PPP3CA: variants seen among roughly 807,000 people sequenced by gnomAD.
PPP3CA encodes CAM-PRP catalytic subunit.
In PPP3CA, 14 loss-of-function variants were observed where a neutral mutation model predicts 66.5. The observed-to-expected ratio is 0.21, with a 90% CI of 0.14 to 0.33. PPP3CA has a LOEUF of 0.33. Among genes scored for constraint, PPP3CA ranks in the 10% least tolerant of loss-of-function variants. PPP3CA has a pLI of 1.00. For synonymous variants in PPP3CA, 232 were observed against 226.2 expected, an observed-to-expected ratio of 1.03 and a Z score of -0.23; for missense variants, 317 against 639.5, an observed-to-expected ratio of 0.50 and a Z score of 5.44.
At chr4:101,162,548 TAAATAAATAAATAAATAAATAAAG>T (rs1723550763) in intron 2 of PPP3CA, among the ~76,000 whole-genome samples, 1 of 145,342 alleles carries the variant, frequency 6.9e-6, no homozygotes, top group Admixed American at 6.9e-5. Flanking sequence ...AATAAATAAA[TAAATAAATAAATAAATAAATAAAG>T]GGAAATGTAT....
intron 1 of PPP3CA, among the ~76,000 whole-genome samples, chr4:101,238,545 T>C (rs1008335624): frequency 6.6e-6 from 1 of 151,810 alleles, no homozygotes. Flanking sequence ...AAGAAAATAC[T>C]AAAAAAGGAG....
intron 8 of PPP3CA, among the ~76,000 whole-genome samples, chr4:101,077,452 C>A (rs1242571102): frequency 6.6e-6 from 1 of 152,146 alleles, no homozygotes; most frequent in Admixed American, 6.5e-5. Context: ...AAGGTGCTTG[C>A]AATCCAATTT....
chr4:101,152,889 C>G (rs77378904), intron 2 of PPP3CA, among the ~76,000 whole-genome samples: 1 of 151,976 alleles, frequency 6.6e-6, no homozygotes, highest in Non-Finnish European at 1.5e-5. Context: ...GGAAAAAAAA[C>G]GCGAAAGCAT....
chr4:101,090,735 C>T (rs1729881939), intron 6 of PPP3CA, among the ~76,000 whole-genome samples: 1 of 150,154 alleles, frequency 6.7e-6, no homozygotes, highest in African/African-American at 2.4e-5. Context: ...CTCTGATTAT[C>T]CTCTATTATT....
chr4:101,324,154 G>GAGGAGGGA (rs1729131713), intron 1 of PPP3CA, among the ~76,000 whole-genome samples: 1 of 66,414 alleles, frequency 1.5e-5, no homozygotes, highest in Non-Finnish European at 3.3e-5. Flanking sequence ...GGAAGGGAGG[G>GAGGAGGGA]AGGAAGGAAG....
chr4:101,323,639 A>G (rs1232570599), intron 1 of PPP3CA, among the ~76,000 whole-genome samples: 1 of 152,220 alleles, frequency 6.6e-6, no homozygotes, highest in Non-Finnish European at 1.5e-5. Context: ...GCTTTCATAT[A>G]TAAGCCACCC....
At chr4:101,109,655 G>C (rs1721599331) in intron 2 of PPP3CA, among the ~76,000 whole-genome samples, 1 of 74,918 alleles carries the variant, frequency 1.3e-5, no homozygotes. Flanking sequence ...TACCACTAAG[G>C]CAAAAAAAAA....
chr4:101,303,065 AAG>A (rs2110301308), intron 1 of PPP3CA, among the ~76,000 whole-genome samples: 1 of 152,294 alleles, frequency 6.6e-6, no homozygotes. Context: ...CATCATCAAA[AAG>A]AGATTCAATC....
chr4:101,027,582 C>G (rs1726717551), intron 13 of PPP3CA, among the ~76,000 whole-genome samples: 1 of 152,112 alleles, frequency 6.6e-6, no homozygotes, highest in Admixed American at 6.5e-5. Flanking sequence ...ACCCTGAAAA[C>G]TAACTCAATT....
At chr4:101,047,364 A>G (rs532043429) in intron 10 of PPP3CA, among the ~76,000 whole-genome samples, 2 of 152,306 alleles carry the variant, frequency 1.3e-5, no homozygotes, top group South Asian at 4.1e-4. Context: ...AAAGAATACT[A>G]TTCCCATTCC....
chr4:101,128,778 T>C (rs763704235), intron 2 of PPP3CA, among the ~76,000 whole-genome samples: 1 of 152,136 alleles, frequency 6.6e-6, no homozygotes, highest in Non-Finnish European at 1.5e-5. Context: ...CTCGGGTGGC[T>C]ACACCACAAG....
At chr4:101,131,315 G>T (rs958250966) in intron 2 of PPP3CA, among the ~76,000 whole-genome samples, 3 of 150,926 alleles carry the variant, frequency 2.0e-5, no homozygotes, top group African/African-American at 7.3e-5. Flanking sequence ...GGGATACAGA[G>T]TCAAGACCCA....
At chr4:101,323,892 T>G (rs1018166240) in intron 1 of PPP3CA, among the ~76,000 whole-genome samples, 1 of 152,000 alleles carries the variant, frequency 6.6e-6, no homozygotes, top group African/African-American at 2.4e-5. Context: ...GCAGATCACT[T>G]GAGGTCAGGA....
intron 3 of PPP3CA, among the ~76,000 whole-genome samples, chr4:101,106,811 T>C (rs1048569054): frequency 2.6e-5 from 4 of 152,224 alleles, no homozygotes; most frequent in African/African-American, 4.8e-5. Flanking sequence ...GTTACTAGTT[T>C]GTCTGTGGAA....
chr4:101,331,369 T>G (rs1729380498), intron 1 of PPP3CA, among the ~76,000 whole-genome samples: 2 of 152,200 alleles, frequency 1.3e-5, no homozygotes, highest in Admixed American at 1.3e-4. Context: ...TATTCTTGTA[T>G]AATAAACAGA....
intron 10 of PPP3CA, among the ~76,000 whole-genome samples, chr4:101,055,005 G>C (rs1433316319): frequency 6.6e-6 from 1 of 152,016 alleles, no homozygotes; most frequent in Non-Finnish European, 1.5e-5. Context: ...CAGGGCTTCA[G>C]TTTAACTTCC....
chr4:101,197,689 A>G (rs1393637232), intron 1 of PPP3CA, among the ~76,000 whole-genome samples: 1 of 152,218 alleles, frequency 6.6e-6, no homozygotes, highest in Non-Finnish European at 1.5e-5. Context: ...TAAAATCAGA[A>G]ACAACGATAA....
At chr4:101,055,770 T>C (rs932893707) in intron 10 of PPP3CA, among the ~76,000 whole-genome samples, 1 of 152,130 alleles carries the variant, frequency 6.6e-6, no homozygotes, top group African/African-American at 2.4e-5. Context: ...TAGAATGATA[T>C]TGTTTCATAT....
intron 2 of PPP3CA, among the ~76,000 whole-genome samples, chr4:101,159,400 A>T (rs1249934492): frequency 2.0e-5 from 3 of 151,988 alleles, no homozygotes; most frequent in Admixed American, 6.6e-5. Flanking sequence ...CTACCCCAGG[A>T]TAAGAACAGT....
Sources: allele counts gnomAD v4.1 joint callset (sites outside exome capture counted in the v4.1 genomes callset), GRCh38; gene constraint gnomAD v4.1.1; transcripts MANE v1.5; gene names NCBI Gene and HGNC (gene_info 2026-07-23, HGNC 2026-07-21).